Variants in HPSE2 observed in about 807,000 individuals in gnomAD.
HPSE2 encodes inactive heparanase-2.
In HPSE2, 38 loss-of-function variants were observed where a neutral mutation model predicts 60.5. The observed-to-expected ratio is 0.63, with a 90% CI of 0.48 to 0.82. HPSE2 has a LOEUF of 0.82. Ranked by LOEUF, HPSE2 falls within the 40% of genes least tolerant of loss-of-function variation. The pLI, the probability that HPSE2 is intolerant of heterozygous loss-of-function variation, is 0.00. For missense variants in HPSE2, 713 were observed against 740.4 expected (o/e 0.96, Z 0.43); for synonymous variants, 295 against 293.2 (o/e 1.01, Z -0.06).
intron 3 of HPSE2, among the ~76,000 whole-genome samples, chr10:98,965,117 C>T (rs1174419424): frequency 6.6e-6 from 1 of 152,144 alleles, no homozygotes; most frequent in African/African-American, 2.4e-5. Context: ...TACATACCTA[C>T]CAGAATAATC....
At chr10:98,836,983 A>T (rs564504255) in intron 3 of HPSE2, among the ~76,000 whole-genome samples, 58 of 152,294 alleles carry the variant, frequency 3.8e-4, no homozygotes, top group Middle Eastern at 3.4e-3. Context: ...AGGCAGAGGT[A>T]GCAGTGAGCT....
intron 10 of HPSE2, 43 bp downstream of exon 10, chr10:98,490,008 G>A (rs1280466481): frequency 1.9e-6 from 3 of 1,612,686 alleles, no homozygotes; most frequent in South Asian, 2.2e-5. Context: ...TATGGGGTGG[G>A]AGCCCCTCAG....
chr10:98,861,923 G>A (rs1952467408), intron 3 of HPSE2, among the ~76,000 whole-genome samples: 1 of 152,138 alleles, frequency 6.6e-6, no homozygotes, highest in Non-Finnish European at 1.5e-5. Flanking sequence ...ATCAGCTGGT[G>A]GGAGTGGATC....
intron 9 of HPSE2, among the ~76,000 whole-genome samples, chr10:98,516,807 G>GT (rs1283877369): frequency 6.6e-6 from 1 of 152,176 alleles, no homozygotes; most frequent in African/African-American, 2.4e-5. Context: ...CCTTCACACT[G>GT]TGAGTAGGGG....
At chr10:98,689,641 T>C (rs1948022029) in intron 6 of HPSE2, among the ~76,000 whole-genome samples, 1 of 152,168 alleles carries the variant, frequency 6.6e-6, no homozygotes, top group African/African-American at 2.4e-5. Flanking sequence ...ATTTTCCTGT[T>C]TCTTTGCATG....
At chr10:98,766,233 A>G (rs1950116329) in intron 3 of HPSE2, among the ~76,000 whole-genome samples, 1 of 152,204 alleles carries the variant, frequency 6.6e-6, no homozygotes, top group Admixed American at 6.5e-5. Flanking sequence ...TTCGAGAAAA[A>G]ACAGAAAATA....
intron 3 of HPSE2, among the ~76,000 whole-genome samples, chr10:99,132,240 AG>A: frequency 2.9e-5 from 2 of 69,982 alleles, no homozygotes; most frequent in African/African-American, 6.8e-5. Flanking sequence ...AGAGAGAGAG[AG>A]AGAAAGAAAG....
intron 3 of HPSE2, among the ~76,000 whole-genome samples, chr10:98,860,631 G>C (rs1353064451): frequency 6.6e-6 from 1 of 152,138 alleles, no homozygotes; most frequent in Non-Finnish European, 1.5e-5. Flanking sequence ...GTAAGTGCTA[G>C]AGCTAGGACA....
At chr10:99,266,878 G>T in the HPSE2 span, among the ~76,000 whole-genome samples, 3 of 152,118 alleles carry the variant, frequency 2.0e-5, no homozygotes, top group African/African-American at 4.8e-5. Flanking sequence ...TCTGCTGGGA[G>T]ACTAGATCCA....
In HPSE2 at chr10:98,569,399, CCTT is replaced by C. The variant is rs1203806630; in HGVS notation, c.1320+45502_1320+45504del. Among the ~76,000 whole-genome samples the C allele has an allele frequency of 1.9e-3, 295 of 152,134 alleles. 5 individuals are homozygous for C. The highest frequency in any genetic ancestry group is 3.2e-4 in the Non-Finnish European group (22 of 67,990). ...TTTAGTTAGCTTTACATTCTTCTAT[CCTT>C]CTCTACTTTTAATTAAAATGTAAAA... On this transcript the variant is annotated intron_variant, in intron 9 of 11. Coordinates refer to ENST00000370552, the MANE Select transcript of HPSE2 (RefSeq NM_021828.5).
At chr10:98,969,361 A>C (rs1002406838) in intron 3 of HPSE2, among the ~76,000 whole-genome samples, 2 of 152,178 alleles carry the variant, frequency 1.3e-5, no homozygotes, top group Admixed American at 6.6e-5. Context: ...TCAGCATCAT[A>C]AAGGAAATAA....
At chr10:98,726,127 A>G (rs1466208870) in intron 4 of HPSE2, among the ~76,000 whole-genome samples, 2 of 152,178 alleles carry the variant, frequency 1.3e-5, no homozygotes, top group Non-Finnish European at 2.9e-5. Flanking sequence ...CAGCCATCCC[A>G]TTACTGGGTA....
chr10:98,935,306 T>C lies in HPSE2; in HGVS notation c.611-191250A>G, dbSNP rs1417452917. Among the ~76,000 whole-genome samples the C allele has an allele frequency of 1.4e-5, 2 of 143,246 alleles. 1 individual carries two copies. The highest frequency in any genetic ancestry group is 5.7e-5 in the African/African-American group (2 of 34,984). 94.0% of individuals were successfully genotyped at this position (143,246 alleles called of 152,430 possible). A position where few individuals can be genotyped will look rare whatever the true frequency, so the allele number is the denominator to read the frequency against. On this transcript the variant is annotated intron_variant, in intron 3 of 11. Transcript: ENST00000370552. ...TCTGTCAGTTCATCCATCTCAGCTT[T>C]AGCCCCATTCTGTGTCCTTGCTGGA...
At chr10:99,058,994 T>G (rs1037884569) in intron 3 of HPSE2, among the ~76,000 whole-genome samples, 13 of 152,366 alleles carry the variant, frequency 8.5e-5, no homozygotes, top group African/African-American at 3.1e-4. Context: ...ATAGACAATA[T>G]GTAAATGAAT....
intron 7 of HPSE2, among the ~76,000 whole-genome samples, chr10:98,625,364 C>T (rs1946179652): frequency 6.6e-6 from 1 of 152,160 alleles, no homozygotes; most frequent in Non-Finnish European, 1.5e-5. Flanking sequence ...GGGTTTTCTC[C>T]TTGATCTGAG....
chr10:98,987,443 A>G (rs1326341520), intron 3 of HPSE2, among the ~76,000 whole-genome samples: 1 of 152,220 alleles, frequency 6.6e-6, no homozygotes, highest in Non-Finnish European at 1.5e-5. Context: ...ACAAAATTCA[A>G]CAACCCTTCA....
chr10:98,803,936 G>A (rs1182952165), intron 3 of HPSE2, among the ~76,000 whole-genome samples: 10 of 151,804 alleles, frequency 6.6e-5, no homozygotes, highest in Non-Finnish European at 1.5e-4. Context: ...TCATGATATT[G>A]ATTCTTCCTA....
At chr10:98,927,129 T>G (rs560711769) in intron 3 of HPSE2, among the ~76,000 whole-genome samples, 5 of 152,246 alleles carry the variant, frequency 3.3e-5, no homozygotes, top group African/African-American at 1.2e-4. Context: ...GTCTGCTTGG[T>G]GCAGAGCTGA....
chr10:99,081,036 C>T (rs1286108006), intron 3 of HPSE2, among the ~76,000 whole-genome samples: 1 of 152,174 alleles, frequency 6.6e-6, no homozygotes, highest in African/African-American at 2.4e-5. Flanking sequence ...CCTCGTGATC[C>T]ACCCACCTCG....
Sources: allele counts gnomAD v4.1 joint callset (sites outside exome capture counted in the v4.1 genomes callset), GRCh38; gene constraint gnomAD v4.1.1; transcripts MANE v1.5; gene names NCBI Gene and HGNC (gene_info 2026-07-23, HGNC 2026-07-21).